Variants in KCNIP4 observed in about 807,000 individuals in gnomAD.
KCNIP4 encodes Kv channel-interacting protein 4.
A neutral mutation model predicts 34.0 loss-of-function variants in KCNIP4; 12 were observed. The ratio of observed to expected loss-of-function variants is 0.35; its 90% CI spans 0.23 to 0.57. The LOEUF is 0.57. Ranked by LOEUF, KCNIP4 falls within the 20% of genes least tolerant of loss-of-function variation. The pLI, the probability that KCNIP4 is intolerant of heterozygous loss-of-function variation, is 0.83. For missense variants in KCNIP4, 238 were observed against 311.7 expected (o/e 0.76, Z 1.78); for synonymous variants, 124 against 102.2 (o/e 1.21, Z -1.29).
chr4:21,496,540 T>C (rs17466482), intron 1 of KCNIP4, among the ~76,000 whole-genome samples: 32,994 of 152,170 alleles, frequency 0.22, 3,787 homozygotes, highest in Admixed American at 0.27. Context: ...TGATCCAACG[T>C]GACTAGTCTC....
chr4:21,192,235 CATCAA>C (rs1755703086), intron 1 of KCNIP4, among the ~76,000 whole-genome samples: 1 of 152,052 alleles, frequency 6.6e-6, no homozygotes, highest in African/African-American at 2.4e-5. Flanking sequence ...TCTAGGATGC[CATCAA>C]TTTTAGGGCA....
At chr4:20,893,503 G>T (rs925917050) in intron 1 of KCNIP4, among the ~76,000 whole-genome samples, 10 of 151,840 alleles carry the variant, frequency 6.6e-5, no homozygotes, top group African/African-American at 2.2e-4. Flanking sequence ...GCTCACTGCA[G>T]CCTCGAACTC....
intron 3 of KCNIP4, among the ~76,000 whole-genome samples, chr4:20,787,351 A>G (rs1043447017): frequency 1.1e-4 from 16 of 152,116 alleles, no homozygotes; most frequent in Non-Finnish European, 1.5e-5. Flanking sequence ...TTATTTGAGC[A>G]CTTTGGAGTT....
At chr4:21,765,187 GCT>G (rs1301909967) in intron 1 of KCNIP4, among the ~76,000 whole-genome samples, 1 of 144,628 alleles carries the variant, frequency 6.9e-6, no homozygotes, top group Non-Finnish European at 1.5e-5. Context: ...ACAGAGTCTT[GCT>G]CTGTCACCCA....
At chr4:21,370,800 A>AATATATATATATATAT (rs1173506757) in intron 1 of KCNIP4, among the ~76,000 whole-genome samples, 1 of 17,984 alleles carries the variant, frequency 5.6e-5, no homozygotes, top group Non-Finnish European at 1.0e-4. Context: ...CATGGATTGA[A>AATATATATATATATAT]ATATATATAT....
chr4:20,898,032 T>C (rs925544598), intron 1 of KCNIP4, among the ~76,000 whole-genome samples: 3 of 152,142 alleles, frequency 2.0e-5, no homozygotes, highest in African/African-American at 7.2e-5. Context: ...CCAGTGTGGG[T>C]GGACATCATC....
At chr4:21,190,422 G>A (rs145671370) in intron 1 of KCNIP4, among the ~76,000 whole-genome samples, 62 of 146,342 alleles carry the variant, frequency 4.2e-4, no homozygotes, top group Non-Finnish European at 8.3e-4. Flanking sequence ...GGAGAGCACC[G>A]CCCAACAAGA....
At chr4:21,050,942 C>T (rs1280095564) in intron 1 of KCNIP4, among the ~76,000 whole-genome samples, 1 of 144,110 alleles carries the variant, frequency 6.9e-6, no homozygotes, top group Non-Finnish European at 1.5e-5. Flanking sequence ...CAATTTATTG[C>T]CCCAAGACCT....
At chr4:21,639,170 A>T (rs886806576) in intron 1 of KCNIP4, among the ~76,000 whole-genome samples, 2 of 152,182 alleles carry the variant, frequency 1.3e-5, no homozygotes, top group African/African-American at 4.8e-5. Flanking sequence ...TGATTGTTTG[A>T]ATTCTTTCAT....
At chr4:21,442,101 CA>C (rs1364414633) in intron 1 of KCNIP4, among the ~76,000 whole-genome samples, 9 of 152,148 alleles carry the variant, frequency 5.9e-5, no homozygotes, top group Non-Finnish European at 1.3e-4. Flanking sequence ...TCTCCTTTTG[CA>C]TTGTTGCTGA....
intron 1 of KCNIP4, among the ~76,000 whole-genome samples, chr4:20,929,829 G>C (rs773873785): frequency 1.3e-5 from 2 of 151,316 alleles, no homozygotes; most frequent in Non-Finnish European, 2.9e-5. Context: ...TGAAATATTT[G>C]TATACCGATA....
At chr4:21,787,264 C>CAT (rs1294334920) in intron 1 of KCNIP4, among the ~76,000 whole-genome samples, 1 of 152,204 alleles carries the variant, frequency 6.6e-6, no homozygotes, top group Non-Finnish European at 1.5e-5. Context: ...TCTCATGATG[C>CAT]ATATGCAATT....
intron 1 of KCNIP4, among the ~76,000 whole-genome samples, chr4:21,636,773 T>C (rs1315808396): frequency 6.6e-6 from 1 of 152,108 alleles, no homozygotes; most frequent in African/African-American, 2.4e-5. Flanking sequence ...AGAAATAATA[T>C]AACAGAAACC....
chr4:21,627,247 G>A (rs957081206), intron 1 of KCNIP4, among the ~76,000 whole-genome samples: 3 of 152,022 alleles, frequency 2.0e-5, no homozygotes, highest in Non-Finnish European at 2.9e-5. Flanking sequence ...TTCTACACTA[G>A]GCAGTTTAGC....
chr4:21,158,866 A>G lies in KCNIP4; in HGVS notation c.62-276157T>C, dbSNP rs1753361893. 2.6e-5 allele frequency among the ~76,000 whole-genome samples: 4 copies of G among 152,306 alleles called. 1 individual carries two copies. Among genetic ancestry groups the G allele is most frequent in the Admixed American group, 2.6e-4 (4 of 15,292 alleles). On this transcript the variant is annotated intron_variant, in intron 1 of 8. Transcript: ENST00000382152. ...AAAGATGACAGAACTGTCTATGTAT[A>G]AATTCCAATGAAATCTACATAAATA...
At chr4:21,572,511 T>C (rs919554099) in intron 1 of KCNIP4, among the ~76,000 whole-genome samples, 3 of 152,142 alleles carry the variant, frequency 2.0e-5, no homozygotes, top group African/African-American at 4.8e-5. Context: ...TGTATTAATA[T>C]ATGCATCCTA....
chr4:21,221,258 G>A (rs553241751), intron 1 of KCNIP4, among the ~76,000 whole-genome samples: 1 of 152,164 alleles, frequency 6.6e-6, no homozygotes, highest in Non-Finnish European at 1.5e-5. Context: ...CTAGCATAAT[G>A]CCTGTTACAT....
chr4:20,817,531 CT>C (rs1025588318), intron 3 of KCNIP4, among the ~76,000 whole-genome samples: 6 of 152,144 alleles, frequency 3.9e-5, no homozygotes, highest in Non-Finnish European at 7.4e-5. Context: ...CACCTTCCCC[CT>C]TTTCGCTCCT....
At chr4:21,361,736 A>T (rs115258334) in intron 1 of KCNIP4, among the ~76,000 whole-genome samples, 1,775 of 152,052 alleles carry the variant, frequency 0.012, 34 homozygotes, top group African/African-American at 0.041. Flanking sequence ...AGAATCACAA[A>T]GAGAAAAAAG....
Sources: allele counts gnomAD v4.1 joint callset (sites outside exome capture counted in the v4.1 genomes callset), GRCh38; gene constraint gnomAD v4.1.1; transcripts MANE v1.5; gene names NCBI Gene and HGNC (gene_info 2026-07-23, HGNC 2026-07-21).